The following RARB variants were observed in gnomAD, a reference collection of about 807,000 sequenced individuals.
The protein encoded by RARB is HBV-activated protein.
In RARB, 17 loss-of-function variants were observed where a neutral mutation model predicts 51.9. The ratio of observed to expected loss-of-function variants is 0.33; its 90% CI spans 0.22 to 0.49. The LOEUF (loss-of-function observed/expected upper bound fraction) is 0.49. RARB is among the 20% of genes least tolerant of loss of function. The pLI, the probability that RARB is intolerant of heterozygous loss-of-function variation, is 0.99. For synonymous variants in RARB, 215 were observed against 195.4 expected, an observed-to-expected ratio of 1.10 and a Z score of -0.84; for missense variants, 369 against 550.8, an observed-to-expected ratio of 0.67 and a Z score of 3.30.
At chr3:24,965,202 T>C (rs1041676462) in intron 2 of RARB, among the ~76,000 whole-genome samples, 2 of 152,112 alleles carry the variant, frequency 1.3e-5, no homozygotes, top group Non-Finnish European at 2.9e-5. Flanking sequence ...ACTTAATTTC[T>C]TGTGTTGAGT....
At chr3:25,238,865 G>T in intron 5 of RARB, among the ~76,000 whole-genome samples, 1 of 152,124 alleles carries the variant, frequency 6.6e-6, no homozygotes. Context: ...TGTAGTCCCA[G>T]CTATTAGGGA....
At chr3:25,270,860 C>T (rs1287036612) in intron 5 of RARB, among the ~76,000 whole-genome samples, 1 of 152,084 alleles carries the variant, frequency 6.6e-6, no homozygotes, top group Non-Finnish European at 1.5e-5. Context: ...ATGGGCATTA[C>T]AAGCAATGGC....
chr3:25,241,938 A>C (rs1427184103), intron 5 of RARB, among the ~76,000 whole-genome samples: 1 of 152,196 alleles, frequency 6.6e-6, no homozygotes, highest in Non-Finnish European at 1.5e-5. Context: ...ACAGTGTAAA[A>C]ACTTTCCTAT....
intron 2 of RARB, among the ~76,000 whole-genome samples, chr3:25,500,902 A>C (rs1224082276): frequency 6.6e-6 from 1 of 152,066 alleles, no homozygotes; most frequent in African/African-American, 2.4e-5. Context: ...AGGGAACCCA[A>C]CTCTGGTGTT....
intron 2 of RARB, among the ~76,000 whole-genome samples, chr3:25,033,222 G>C (rs1697910922): frequency 6.6e-6 from 1 of 152,108 alleles, no homozygotes; most frequent in Admixed American, 6.5e-5. Flanking sequence ...GCTTTCAAAA[G>C]AAACAAGGGA....
intron 2 of RARB, among the ~76,000 whole-genome samples, chr3:25,038,007 T>C (rs1484660820): frequency 1.3e-5 from 2 of 152,208 alleles, no homozygotes; most frequent in African/African-American, 2.4e-5. Context: ...AGCTAGTTAT[T>C]TTCCCATTTA....
At chr3:25,245,790 G>A (rs879112761) in intron 5 of RARB, among the ~76,000 whole-genome samples, 1 of 152,036 alleles carries the variant, frequency 6.6e-6, no homozygotes, top group Non-Finnish European at 1.5e-5. Flanking sequence ...TCTTGGGGTT[G>A]CTCTTCTCGA....
Position 25,197,858 on chromosome 3 carries a change from C to T in RARB, c.178+23283C>T, listed in dbSNP as rs145568911. Among the ~76,000 whole-genome samples the T allele has an allele frequency of 1.7e-3, 256 of 152,008 alleles. 2 individuals carry two copies. Among genetic ancestry groups the T allele is most frequent in the African/African-American group, 3.8e-3 (156 of 41,500 alleles). On this transcript the variant is annotated intron_variant, in intron 5 of 11. Coordinates refer to the RARB transcript ENST00000383772. ...ATACTGTTAAAATCTTCATACTACGCGAAGCAATCTGCAGATTCAGAGCAA... is the reference window on the plus strand; with the variant it reads ...ATACTGTTAAAATCTTCATACTACGTGAAGCAATCTGCAGATTCAGAGCAA...
chr3:25,118,788 C>T (rs1037247157), intron 3 of RARB, among the ~76,000 whole-genome samples: 1 of 151,936 alleles, frequency 6.6e-6, no homozygotes, highest in South Asian at 2.1e-4. Flanking sequence ...ACAAGATCCT[C>T]CCCAGAAAGT....
At chr3:24,935,237 G>C (rs1469981927) in intron 2 of RARB, among the ~76,000 whole-genome samples, 1 of 151,946 alleles carries the variant, frequency 6.6e-6, no homozygotes, top group Non-Finnish European at 1.5e-5. Flanking sequence ...TAGAACAAAG[G>C]CATTATGTCA....
At chr3:25,189,531 A>G (rs2125362504) in intron 5 of RARB, among the ~76,000 whole-genome samples, 1 of 152,212 alleles carries the variant, frequency 6.6e-6, no homozygotes, top group Admixed American at 6.5e-5. Context: ...GCTCCAACAG[A>G]CAACAGGTGA....
At chr3:25,417,829 T>C (rs1707748052) in intron 5 of RARB, among the ~76,000 whole-genome samples, 1 of 152,226 alleles carries the variant, frequency 6.6e-6, no homozygotes, top group Non-Finnish European at 1.5e-5. Context: ...ACCCAAAAAA[T>C]GACGGCATAA....
At chr3:25,514,591 C>T (rs1698065093) in intron 3 of RARB, among the ~76,000 whole-genome samples, 1 of 152,144 alleles carries the variant, frequency 6.6e-6, no homozygotes, top group Non-Finnish European at 1.5e-5. Context: ...TGCAACTCCT[C>T]CATTTTTCTT....
intron 3 of RARB, among the ~76,000 whole-genome samples, chr3:25,517,401 A>G (rs1316773589): frequency 6.6e-6 from 1 of 152,256 alleles, no homozygotes; most frequent in East Asian, 1.9e-4. Context: ...GATGTTCAAC[A>G]TCTTTAGTCA....
intron 5 of RARB, among the ~76,000 whole-genome samples, chr3:25,265,016 A>G (rs565339484): frequency 6.6e-6 from 1 of 152,318 alleles, no homozygotes; most frequent in East Asian, 1.9e-4. Flanking sequence ...CACCCTTACA[A>G]AACGGGCTCT....
intron 4 of RARB, among the ~76,000 whole-genome samples, chr3:25,162,933 C>T (rs1373622609): frequency 6.6e-6 from 1 of 152,208 alleles, no homozygotes; most frequent in Non-Finnish European, 1.5e-5. Context: ...TGACTGTATA[C>T]AGCCAGAATT....
At chr3:25,464,293 C>T (rs1559416428) in intron 2 of RARB, among the ~76,000 whole-genome samples, 1 of 152,118 alleles carries the variant, frequency 6.6e-6, no homozygotes, top group East Asian at 1.9e-4. Flanking sequence ...TTAATCAGCT[C>T]ATAGTCAGTG....
intron 3 of RARB, among the ~76,000 whole-genome samples, chr3:25,079,184 A>G (rs1698938726): frequency 6.6e-6 from 1 of 152,024 alleles, no homozygotes; most frequent in African/African-American, 2.4e-5. Flanking sequence ...ATTTCTAATT[A>G]TTTCTAATAT....
chr3:25,506,845 C>G (rs2125614632), intron 3 of RARB, among the ~76,000 whole-genome samples: 1 of 152,366 alleles, frequency 6.6e-6, no homozygotes, highest in African/African-American at 2.4e-5. Context: ...TCTGTGATCC[C>G]ATCCCATGCT....
Sources: gnomAD v4.1 joint callset for allele counts (sites outside exome capture counted in the v4.1 genomes callset) on GRCh38, gnomAD v4.1.1 for gene constraint, MANE v1.5 for transcripts, NCBI Gene and HGNC (gene_info 2026-07-23, HGNC 2026-07-21) for gene names.